The following GALNT13 variants were observed in gnomAD, a reference collection of about 807,000 sequenced individuals.
GALNT13 encodes the protein UDP-GalNAc:polypeptide N-acetylgalactosaminyltransferase 13.
A neutral mutation model predicts 64.2 loss-of-function variants in GALNT13; 28 were observed. The ratio of observed to expected loss-of-function variants is 0.44; its 90% CI spans 0.32 to 0.60. GALNT13 has a LOEUF of 0.60. GALNT13 is among the 20% of genes least tolerant of loss of function. The pLI is 0.05. For missense variants in GALNT13, 577 were observed against 669.8 expected, an observed-to-expected ratio of 0.86 and a Z score of 1.53; for synonymous variants, 214 against 224.6, an observed-to-expected ratio of 0.95 and a Z score of 0.42.
At chr2:153,763,413 A>G in the GALNT13 span, among the ~76,000 whole-genome samples, 1 of 152,100 alleles carries the variant, frequency 6.6e-6, no homozygotes, top group Admixed American at 6.6e-5. Flanking sequence ...CCAGGTGGAG[A>G]TAATTGAATC....
At chr2:154,079,879 C>G (rs1701182869) in intron 3 of GALNT13, among the ~76,000 whole-genome samples, 1 of 151,538 alleles carries the variant, frequency 6.6e-6, no homozygotes, top group Non-Finnish European at 1.5e-5. Flanking sequence ...TACTTTGCCC[C>G]TCCATTGGAG....
chr2:153,151,066 C>T, the GALNT13 span, among the ~76,000 whole-genome samples: 1 of 152,106 alleles, frequency 6.6e-6, no homozygotes, highest in East Asian at 1.9e-4. Context: ...GGCAGTATGG[C>T]CATTTTCATG....
chr2:153,813,245 A>C, the GALNT13 span, among the ~76,000 whole-genome samples: 1 of 152,324 alleles, frequency 6.6e-6, no homozygotes, highest in East Asian at 1.9e-4. Flanking sequence ...GGAAGAGTGA[A>C]CGAGTACGAC....
At chr2:153,539,465 C>A in the GALNT13 span, among the ~76,000 whole-genome samples, 7 of 152,050 alleles carry the variant, frequency 4.6e-5, no homozygotes, top group East Asian at 1.4e-3. Flanking sequence ...GAAGTCCTTG[C>A]CCATGCCTAT....
intron 11 of GALNT13, among the ~76,000 whole-genome samples, chr2:154,423,276 G>A (rs1201403672): frequency 6.6e-6 from 1 of 152,062 alleles, no homozygotes; most frequent in Non-Finnish European, 1.5e-5. Flanking sequence ...ATTCCGTGGT[G>A]TATATGTGCC....
the GALNT13 span, among the ~76,000 whole-genome samples, chr2:153,506,290 C>A: frequency 6.6e-6 from 1 of 152,112 alleles, no homozygotes; most frequent in Non-Finnish European, 1.5e-5. Context: ...GAGTTATTAT[C>A]CAGTCTGCCA....
At chr2:153,611,039 A>G in the GALNT13 span, among the ~76,000 whole-genome samples, 2 of 152,186 alleles carry the variant, frequency 1.3e-5, no homozygotes, top group Non-Finnish European at 2.9e-5. Context: ...AAATATAGTC[A>G]TGATAAAGAT....
Position 154,298,643 on chromosome 2 carries a change from AT to A in GALNT13, c.976-2765del, listed in dbSNP as rs1236956918. 1.1e-4 allele frequency among the ~76,000 whole-genome samples: 11 copies of A among 99,540 alleles called. 4 individuals carry two copies. The highest frequency in any genetic ancestry group is 4.4e-4 in the African/African-American group (11 of 25,064). 65.3% of individuals were successfully genotyped at this position (99,540 alleles called of 152,430 possible). A position where few individuals can be genotyped will look rare whatever the true frequency, so the allele number is the denominator to read the frequency against. ...TATACATTGTATATATAATTTATATATACATTGTATATACAATTTATATATA... is the reference window on the plus strand; with the variant it reads ...TATACATTGTATATATAATTTATATAACATTGTATATACAATTTATATATA... On this transcript the variant is annotated intron_variant, in intron 8 of 12. Coordinates refer to ENST00000392825, the MANE Select transcript of GALNT13 (RefSeq NM_052917.4).
chr2:154,149,108 G>T (rs1683810367), intron 4 of GALNT13, among the ~76,000 whole-genome samples: 1 of 152,132 alleles, frequency 6.6e-6, no homozygotes, highest in South Asian at 2.1e-4. Flanking sequence ...TTTTGTATAA[G>T]GTGTAAGGAA....
intron 11 of GALNT13, among the ~76,000 whole-genome samples, chr2:154,416,020 A>G (rs1699992634): frequency 6.6e-6 from 1 of 152,172 alleles, no homozygotes; most frequent in Non-Finnish European, 1.5e-5. Flanking sequence ...GCTAGAAGAA[A>G]GCAGGGTTAC....
the GALNT13 span, chr2:153,172,230 T>A: frequency 6.6e-6 from 1 of 152,118 alleles, no homozygotes; most frequent in Non-Finnish European, 1.5e-5. Context: ...TGTGGGAGAC[T>A]GTATTAGTGT....
At chr2:154,045,984 A>T (rs1425847478) in intron 3 of GALNT13, among the ~76,000 whole-genome samples, 1 of 148,952 alleles carries the variant, frequency 6.7e-6, no homozygotes, top group Non-Finnish European at 1.5e-5. Flanking sequence ...TTTTTTTCCG[A>T]TCTAGTGGAG....
At chr2:153,760,167 ACT>A in the GALNT13 span, among the ~76,000 whole-genome samples, 2,606 of 150,994 alleles carry the variant, frequency 0.017, 83 homozygotes, top group African/African-American at 0.06. Flanking sequence ...ATTTGAATTG[ACT>A]CTCTTTTTTG....
the GALNT13 span, among the ~76,000 whole-genome samples, chr2:153,341,224 T>C: frequency 1.3e-5 from 2 of 152,230 alleles, no homozygotes; most frequent in East Asian, 3.8e-4. Flanking sequence ...TCTATAAAGA[T>C]TATATAATAT....
At chr2:153,746,196 AC>A in the GALNT13 span, among the ~76,000 whole-genome samples, 3 of 152,166 alleles carry the variant, frequency 2.0e-5, no homozygotes, top group Non-Finnish European at 4.4e-5. Context: ...AATTTCCAAA[AC>A]CTGAACACAC....
intron 3 of GALNT13, among the ~76,000 whole-genome samples, chr2:153,989,983 T>A (rs1221408439): frequency 6.6e-6 from 1 of 152,120 alleles, no homozygotes; most frequent in African/African-American, 2.4e-5. Context: ...GACAATATGT[T>A]GGTTGAAATA....
At chr2:153,707,606 T>C in the GALNT13 span, among the ~76,000 whole-genome samples, 1 of 152,202 alleles carries the variant, frequency 6.6e-6, no homozygotes, top group African/African-American at 2.4e-5. Context: ...TGTACTGCCT[T>C]GTACAAGCTC....
the GALNT13 span, among the ~76,000 whole-genome samples, chr2:153,112,729 A>C: frequency 6.6e-6 from 1 of 152,074 alleles, no homozygotes; most frequent in Non-Finnish European, 1.5e-5. Context: ...CCCTCACTTG[A>C]AGTATTAACT....
chr2:154,329,510 G>C (rs1695055200), intron 9 of GALNT13, among the ~76,000 whole-genome samples: 2 of 152,240 alleles, frequency 1.3e-5, no homozygotes, highest in South Asian at 2.1e-4. Context: ...GCTTTTGCCA[G>C]TTCGGTTTCT....
Sources: allele counts gnomAD v4.1 joint callset (sites outside exome capture counted in the v4.1 genomes callset), GRCh38; gene constraint gnomAD v4.1.1; transcripts MANE v1.5; gene names NCBI Gene and HGNC (gene_info 2026-07-23, HGNC 2026-07-21).